TBCE: variants seen among roughly 807,000 people sequenced by gnomAD.
TBCE encodes the protein tubulin folding cofactor E, also known as tubulin-specific chaperone E.
In TBCE, 53 loss-of-function variants were observed where a neutral mutation model predicts 77.0. The ratio of observed to expected loss-of-function variants is 0.69; its 90% CI spans 0.55 to 0.87. The LOEUF is 0.87. TBCE is among the 40% of genes least tolerant of loss of function. The pLI is 0.00. For missense variants in TBCE, 624 were observed against 622.4 expected, an observed-to-expected ratio of 1.00 and a Z score of -0.03; for synonymous variants, 235 against 241.3, an observed-to-expected ratio of 0.97 and a Z score of 0.24.
intron 1 of TBCE, among the ~76,000 whole-genome samples, chr1:235,379,390 ATGG>A (rs1292949711): frequency 6.6e-6 from 1 of 151,920 alleles, no homozygotes; most frequent in Non-Finnish European, 1.5e-5. Flanking sequence ...ATTAAACAGC[ATGG>A]TGGTGGGTGC....
At chr1:235,374,920 C>CTT (rs1241323977) in intron 1 of TBCE, among the ~76,000 whole-genome samples, 48 of 111,982 alleles carry the variant, frequency 4.3e-4, no homozygotes, top group Middle Eastern at 4.5e-3. Context: ...CTTTTTTTTT[C>CTT]TTTTTTTTTT....
intron 3 of TBCE, among the ~76,000 whole-genome samples, chr1:235,404,608 T>C (rs1679310563): frequency 6.6e-6 from 1 of 152,114 alleles, no homozygotes; most frequent in African/African-American, 2.4e-5. Flanking sequence ...CTTAGAAGTT[T>C]TTTCTTTCTT....
intron 8 of TBCE, among the ~76,000 whole-genome samples, chr1:235,434,839 G>A (rs1011724360): frequency 1.3e-5 from 2 of 151,952 alleles, no homozygotes; most frequent in African/African-American, 4.8e-5. Flanking sequence ...TGGAAGTTCT[G>A]TAGGATATGC....
At chr1:235,431,607 C>T (rs1013329861) in intron 7 of TBCE, among the ~76,000 whole-genome samples, 3 of 151,844 alleles carry the variant, frequency 2.0e-5, no homozygotes, top group African/African-American at 4.8e-5. Flanking sequence ...GTGATTTGCC[C>T]GCCTCGGCCT....
chr1:235,387,759 G>T (rs1481733913), intron 2 of TBCE, among the ~76,000 whole-genome samples: 1 of 152,138 alleles, frequency 6.6e-6, no homozygotes, highest in Non-Finnish European at 1.5e-5. Context: ...TCCCAAATGA[G>T]GGAAAGATGT....
At chr1:235,380,270 G>C in intron 2 of TBCE, 121 bp downstream of exon 2, 1 of 940,418 alleles carries the variant, frequency 1.1e-6, no homozygotes, top group Non-Finnish European at 1.7e-6. Context: ...CACAAATTTT[G>C]ACGAAATTAA....
chr1:235,431,321 T>C (rs372735450), intron 7 of TBCE, among the ~76,000 whole-genome samples: 120 of 152,246 alleles, frequency 7.9e-4, no homozygotes, highest in African/African-American at 2.8e-3. Context: ...CTATTTCCTG[T>C]CTGAGGTGTA....
Position 235,449,891 on chromosome 1 carries a change from G to T in TBCE, c.*1129G>T. The T allele has an allele frequency of 4.5e-6, 1 of 222,322 alleles. No individual in the cohort carries two copies. The allele number at this position is 222,322 out of a possible 1,614,324, so 13.8% of individuals were successfully genotyped here. A position where few individuals can be genotyped will look rare whatever the true frequency, so the allele number is the denominator to read the frequency against. Reference sequence around the variant, plus strand: ...GCCAAGTTTTAACCAAAAACTATAGGTAATGGTGAATTACTAATTAGCCAC... The same window carrying T: ...GCCAAGTTTTAACCAAAAACTATAGTTAATGGTGAATTACTAATTAGCCAC... On this transcript the variant is annotated 3_prime_UTR_variant, in exon 17 of 17. Transcript: ENST00000642610.
intron 1 of TBCE, among the ~76,000 whole-genome samples, chr1:235,368,142 A>G (rs1977749): frequency 0.73 from 110,799 of 151,566 alleles, 41,839 homozygotes; most frequent in African/African-American, 0.93. Context: ...CTGATCTCAG[A>G]TGATCCACCC....
At chr1:235,379,188 T>C (rs181767510) in intron 1 of TBCE, among the ~76,000 whole-genome samples, 39 of 152,296 alleles carry the variant, frequency 2.6e-4, no homozygotes, top group African/African-American at 9.1e-4. Flanking sequence ...CATTCTCATC[T>C]ACTTTCATGC....
At chr1:235,437,268 C>T in intron 11 of TBCE, 54 bp from the exon 12 acceptor site, 1 of 1,612,202 alleles carries the variant, frequency 6.2e-7, no homozygotes, top group Non-Finnish European at 8.5e-7. Context: ...CAAACTTCTG[C>T]AAAAGTGGCA....
At chr1:235,440,206 G>GTCA (rs1681772856) in intron 13 of TBCE, among the ~76,000 whole-genome samples, 1 of 152,102 alleles carries the variant, frequency 6.6e-6, no homozygotes, top group East Asian at 1.9e-4. Context: ...TCCTGACCTT[G>GTCA]TGATCCACCC....
chr1:235,392,760 A>G (rs984199876), intron 2 of TBCE, among the ~76,000 whole-genome samples: 12 of 152,004 alleles, frequency 7.9e-5, no homozygotes, highest in African/African-American at 2.7e-4. Context: ...ACTTGATTCT[A>G]TTTCACATCT....
At chr1:235,382,330 A>T (rs1055895049) in intron 2 of TBCE, among the ~76,000 whole-genome samples, 75 of 152,304 alleles carry the variant, frequency 4.9e-4, no homozygotes, top group Non-Finnish European at 9.6e-4. Flanking sequence ...GTATATACCC[A>T]GTAATGGGAT....
At chr1:235,420,772 C>G (rs542495766) in intron 5 of TBCE, among the ~76,000 whole-genome samples, 2 of 152,160 alleles carry the variant, frequency 1.3e-5, no homozygotes, top group African/African-American at 4.8e-5. Context: ...TGAGCCACCA[C>G]GCCTGGCCTC....
intron 2 of TBCE, among the ~76,000 whole-genome samples, chr1:235,380,728 TAG>T (rs1459450879): frequency 6.6e-6 from 1 of 152,160 alleles, no homozygotes; most frequent in Non-Finnish European, 1.5e-5. Context: ...TTCTAGTTTT[TAG>T]AGTAAATAAT....
In TBCE at chr1:235,414,517, G is replaced by T. The variant is rs745683709; in HGVS notation, c.270G>T (p.Val90=). ...DFLTAIKNRY[V]LEDGPEEDRK... is the part of the protein sequence containing the mutation. ...TTACTGCAATTAAGAACCGCTATGT[G>T]TTAGAAGATGGACCAGAGGAAGATA... is the stretch of plus-strand genomic sequence containing the variant. Residue 90 remains valine, a synonymous_variant, in exon 4 of 17, where the codon GTG becomes GTT. Transcript: ENST00000642610. The T allele has an allele frequency of 6.2e-7, 1 of 1,613,896 alleles. No individual in the cohort carries two copies. The highest frequency in any genetic ancestry group is 8.5e-7 in the Non-Finnish European group (1 of 1,179,986).
chr1:235,399,670 TATA>T (rs1313651178), intron 2 of TBCE, among the ~76,000 whole-genome samples: 1 of 152,230 alleles, frequency 6.6e-6, no homozygotes, highest in Non-Finnish European at 1.5e-5. Context: ...CAATATTTTT[TATA>T]ATAAACCTGT....
intron 2 of TBCE, 102 bp downstream of exon 2, chr1:235,380,251 A>G: frequency 1.8e-6 from 2 of 1,121,396 alleles, no homozygotes; most frequent in Non-Finnish European, 2.7e-6. Context: ...TCTCAGTAGC[A>G]CTTTATACCA....
Sources: gnomAD v4.1 joint callset for allele counts (sites outside exome capture counted in the v4.1 genomes callset) on GRCh38, gnomAD v4.1.1 for gene constraint, MANE v1.5 for transcripts, NCBI Gene and HGNC (gene_info 2026-07-23, HGNC 2026-07-21) for gene names.